LRRC8D: variants seen among roughly 807,000 people sequenced by gnomAD.
LRRC8D encodes volume-regulated anion channel subunit LRRC8D.
A neutral mutation model predicts 55.8 loss-of-function variants in LRRC8D; 20 were observed. That is an observed-to-expected ratio of 0.36 (90% CI 0.25 to 0.52). LRRC8D has a LOEUF of 0.52. Among genes scored for constraint, LRRC8D ranks in the 20% least tolerant of loss-of-function variants. The pLI is 0.93. For missense variants in LRRC8D, 651 were observed against 1,030.8 expected, an observed-to-expected ratio of 0.63 and a Z score of 5.05; for synonymous variants, 352 against 377.0, an observed-to-expected ratio of 0.93 and a Z score of 0.77.
intron 2 of LRRC8D, among the ~76,000 whole-genome samples, chr1:89,888,886 T>C (rs1049399675): frequency 2.0e-5 from 3 of 152,204 alleles, no homozygotes; most frequent in Non-Finnish European, 4.4e-5. Context: ...CTGATATAAA[T>C]AAATGATTGA....
chr1:89,833,368 T>A (rs1208815925), intron 1 of LRRC8D, among the ~76,000 whole-genome samples: 1 of 152,218 alleles, frequency 6.6e-6, no homozygotes, highest in East Asian at 1.9e-4. Context: ...GTTGGAGCCT[T>A]GTTGCTGTGA....
rs76944859 is a variant in LRRC8D at position 89,934,697 on chromosome 1, C to G, written c.1629C>G (p.His543Gln). The G allele has an allele frequency of 1.9e-5, 31 of 1,614,180 alleles. No homozygotes were observed. In the African/African-American group the frequency reaches 3.7e-4, roughly 19 times the overall value. Residue 543 changes from histidine (H) to glutamine (Q), a missense_variant, in exon 3 of 3, where the codon CAC becomes CAG. By Grantham distance (24) the His-to-Gln change is conservative. Around this residue, in one of 5 missense-constraint regions of LRRC8D, gnomAD observed 338 missense variants for 479.4 expected, o/e 0.71. Coordinates refer to ENST00000337338, the MANE Select transcript of LRRC8D (RefSeq NM_001134479.2). The surrounding 1 kb of genome is among the most constrained non-coding windows in gnomAD (Gnocchi z 5.9). The part of the protein sequence containing the change: ...SFLRDHLRCL[H>Q]VKFTDVAEIP... ...TTCGCGATCACTTGAGATGCCTTCA[C>G]GTGAAGTTCACTGATGTGGCTGAAA...
At chr1:89,896,568 A>G (rs1284806615) in intron 2 of LRRC8D, among the ~76,000 whole-genome samples, 2 of 152,138 alleles carry the variant, frequency 1.3e-5, no homozygotes, top group Non-Finnish European at 2.9e-5. Flanking sequence ...GGCCGAGGGT[A>G]GGGCAAGCTC....
chr1:89,908,450 A>T (rs541000793), intron 2 of LRRC8D, among the ~76,000 whole-genome samples: 15 of 152,226 alleles, frequency 9.9e-5, no homozygotes, highest in Admixed American at 3.3e-4. Flanking sequence ...CAGCCACTAG[A>T]TCAAGGCTGC....
At chr1:89,863,824 A>T (rs930861353) in intron 2 of LRRC8D, among the ~76,000 whole-genome samples, 1 of 152,180 alleles carries the variant, frequency 6.6e-6, no homozygotes, top group Non-Finnish European at 1.5e-5. Context: ...TACTTTTGAA[A>T]TATTAAAAAT....
At chr1:89,847,357 G>T (rs1661305949) in intron 2 of LRRC8D, among the ~76,000 whole-genome samples, 1 of 152,200 alleles carries the variant, frequency 6.6e-6, no homozygotes, top group South Asian at 2.1e-4. Context: ...AGGGAGAGGA[G>T]AAGGTAAAGG....
intron 1 of LRRC8D, among the ~76,000 whole-genome samples, chr1:89,838,394 A>G (rs1435744274): frequency 2.0e-5 from 3 of 152,160 alleles, no homozygotes; most frequent in African/African-American, 7.2e-5. Context: ...AATAAGATAA[A>G]TAAGATTGCC....
intron 2 of LRRC8D, among the ~76,000 whole-genome samples, chr1:89,906,046 A>T (rs1363552653): frequency 1.3e-5 from 2 of 152,224 alleles, no homozygotes; most frequent in African/African-American, 4.8e-5. Flanking sequence ...TCGCAGCTTT[A>T]GCTAAGGCTG....
intron 2 of LRRC8D, among the ~76,000 whole-genome samples, chr1:89,876,745 G>A (rs562516797): frequency 6.6e-6 from 1 of 152,360 alleles, no homozygotes; most frequent in African/African-American, 2.4e-5. Flanking sequence ...GTCTGTGGAT[G>A]CTTTGCACTA....
chr1:89,853,391 T>C (rs1488150754), intron 2 of LRRC8D, among the ~76,000 whole-genome samples: 1 of 152,078 alleles, frequency 6.6e-6, no homozygotes, highest in African/African-American at 2.4e-5. Flanking sequence ...CTGGAGACAA[T>C]TATTGAAGAG....
rs528245330 is a variant in LRRC8D, at chr1:89,849,315, T to C, written c.-3+5533T>C. On this transcript the variant is annotated intron_variant, in intron 2 of 2. Coordinates refer to ENST00000337338, the MANE Select transcript of LRRC8D (RefSeq NM_001134479.2). ...CATGTAGTATGTATTAATTTTTTTC[T>C]AAGCAACCTAGGCATATGGAATTTA... is the stretch of plus-strand genomic sequence containing the variant. Among the ~76,000 whole-genome samples the C allele has an allele frequency of 1.4e-4, 22 of 152,332 alleles. 1 individual carries two copies. In the Middle Eastern group the frequency reaches 0.01, roughly 71 times the overall value.
At chr1:89,902,090 A>G (rs1662871701) in intron 2 of LRRC8D, among the ~76,000 whole-genome samples, 1 of 152,258 alleles carries the variant, frequency 6.6e-6, no homozygotes, top group Non-Finnish European at 1.5e-5. Context: ...AGAGAGGCAC[A>G]AGGTGTGAGA....
chr1:89,886,759 A>G lies in LRRC8D; in HGVS notation c.-3+42977A>G, dbSNP rs368415210. On this transcript the variant is annotated intron_variant, in intron 2 of 2. Coordinates refer to ENST00000337338, the MANE Select transcript of LRRC8D (RefSeq NM_001134479.2). Reference sequence around the variant, plus strand: ...AATGATAACCTCGAAGAAAACTGCAAATTTATTCATGCAAAGAGTGGAGGG... The same window carrying G: ...AATGATAACCTCGAAGAAAACTGCAGATTTATTCATGCAAAGAGTGGAGGG... Among the ~76,000 whole-genome samples the G allele has an allele frequency of 1.8e-4, 27 of 152,300 alleles. 1 individual carries two copies. In the East Asian group the frequency reaches 4.6e-3, roughly 26 times the overall value.
intron 2 of LRRC8D, among the ~76,000 whole-genome samples, chr1:89,926,222 C>G (rs1011807978): frequency 2.0e-5 from 3 of 152,228 alleles, no homozygotes; most frequent in Non-Finnish European, 1.5e-5. Flanking sequence ...CATATTACTT[C>G]GTATTAAGGT....
At chr1:89,860,785 A>AAAAAAAAATATATAT (rs1553123917) in intron 2 of LRRC8D, among the ~76,000 whole-genome samples, 2 of 28,194 alleles carry the variant, frequency 7.1e-5, no homozygotes, top group Non-Finnish European at 1.4e-4. Context: ...AAAAAAAAAA[A>AAAAAAAAATATATAT]ATATATATAT....
chr1:89,933,791 C>T lies in LRRC8D; in HGVS notation c.723C>T (p.Ser241=). 1 of 1,614,110 alleles carries T rather than the reference C, an allele frequency of 6.2e-7. No individual in the cohort carries two copies. The highest frequency in any genetic ancestry group is 8.5e-7 in the Non-Finnish European group (1 of 1,179,994). The part of the protein sequence containing the change: ...AQTLPKHVST[S]SDEGSPSAST... ...CTCTACCAAAGCATGTTTCTACCAG[C>T]AGTGATGAAGGGAGCCCCAGTGCCA... The change falls in exon 3 of 3, where the codon AGC becomes AGT. Residue 241 remains serine, a synonymous_variant. Transcript: ENST00000337338. The surrounding 1 kb of genome is among the most constrained non-coding windows in gnomAD (Gnocchi z 7.0).
At chr1:89,908,373 T>G (rs1341479959) in intron 2 of LRRC8D, among the ~76,000 whole-genome samples, 1 of 152,192 alleles carries the variant, frequency 6.6e-6, no homozygotes, top group Non-Finnish European at 1.5e-5. Flanking sequence ...ACTAAGTATT[T>G]CAACCATAAT....
Position 89,933,974 on chromosome 1 carries a change from C to T in LRRC8D, c.906C>T (p.Asp302=). Reference sequence around the variant, plus strand: ...TCCGTGCCCATGTGGAAGATAGTGACTTGATCTATAAACTCTATGTGGTCC... The same window carrying T: ...TCCGTGCCCATGTGGAAGATAGTGATTTGATCTATAAACTCTATGTGGTCC... ...RKFRAHVEDS[D]LIYKLYVVQT... Residue 302 remains aspartate, a synonymous_variant, in exon 3 of 3, where the codon GAC becomes GAT. Transcript: ENST00000337338. This position sits in a 1 kb window ranked among gnomAD's most constrained non-coding sequence, Gnocchi z 7.0. 1 of 1,614,174 alleles carries T rather than the reference C, an allele frequency of 6.2e-7. No individual in the cohort carries two copies.
chr1:89,828,514 C>CT (rs1399441509), intron 1 of LRRC8D, among the ~76,000 whole-genome samples: 1 of 152,058 alleles, frequency 6.6e-6, no homozygotes, highest in Non-Finnish European at 1.5e-5. Flanking sequence ...GGAAGGTTGG[C>CT]TTGTTTTTTC....
Sources: allele counts gnomAD v4.1 joint callset (sites outside exome capture counted in the v4.1 genomes callset), GRCh38; gene constraint gnomAD v4.1.1; regional missense constraint gnomAD v4.1.1; non-coding constraint Gnocchi (gnomAD v3.1); transcripts MANE v1.5; gene names NCBI Gene and HGNC (gene_info 2026-07-23, HGNC 2026-07-21).